The following CPA6 variants were observed in gnomAD, a reference collection of about 807,000 sequenced individuals.
CPA6 encodes carboxypeptidase B.
CPA6 carries 58 observed loss-of-function variants against 63.3 expected under a neutral mutation model. The ratio of observed to expected loss-of-function variants is 0.92; its 90% CI spans 0.74 to 1.14. The LOEUF (loss-of-function observed/expected upper bound fraction) is 1.14, where lower values mean the gene tolerates loss of function less well. CPA6 is among the 50% of genes most tolerant of loss of function. The probability of loss-of-function intolerance (pLI) is 0.00; values close to 1 mark genes in which losing one functional copy is unlikely to be tolerated. For missense variants in CPA6, 565 were observed against 526.6 expected (o/e 1.07, Z -0.71); for synonymous variants, 185 against 179.0 (o/e 1.03, Z -0.27).
intron 8 of CPA6, among the ~76,000 whole-genome samples, chr8:67,444,688 C>A (rs191546299): frequency 6.8e-6 from 1 of 147,426 alleles, no homozygotes; most frequent in African/African-American, 2.5e-5. Context: ...GAGGCTGAGG[C>A]AGAAGAATCA....
intron 2 of CPA6, among the ~76,000 whole-genome samples, chr8:67,578,771 AT>A (rs1178735162): frequency 6.6e-6 from 1 of 152,258 alleles, no homozygotes; most frequent in Non-Finnish European, 1.5e-5. Context: ...AATTAAAAAC[AT>A]CATTTTCATT....
intron 1 of CPA6, among the ~76,000 whole-genome samples, chr8:67,680,162 A>G (rs1816562013): frequency 6.6e-6 from 1 of 152,230 alleles, no homozygotes; most frequent in Non-Finnish European, 1.5e-5. Flanking sequence ...AATAATTTAT[A>G]AACATTTATT....
intron 2 of CPA6, among the ~76,000 whole-genome samples, chr8:67,595,990 GCTGTAGA>G (rs1282427991): frequency 6.6e-6 from 1 of 152,208 alleles, no homozygotes; most frequent in Non-Finnish European, 1.5e-5. Flanking sequence ...CACGCTGGGA[GCTGTAGA>G]CTGGAGCTGT....
At chr8:67,685,189 G>A (rs1465597968) in intron 1 of CPA6, among the ~76,000 whole-genome samples, 2 of 152,092 alleles carry the variant, frequency 1.3e-5, no homozygotes, top group Non-Finnish European at 2.9e-5. Context: ...TTTTGGCTGG[G>A]TATCCAGATA....
At chr8:67,738,141 A>G (rs1384035707) in intron 1 of CPA6, among the ~76,000 whole-genome samples, 1 of 152,208 alleles carries the variant, frequency 6.6e-6, no homozygotes, top group African/African-American at 2.4e-5. Flanking sequence ...GTCATTGGAT[A>G]TCAGAGTAAC....
At position 67,710,690 on chromosome 8, in the gene CPA6, A is replaced by T. The variant is rs1395254737; in HGVS notation, c.116+35324T>A. ...AACCTCCCTTCCTGTCTTGGAGGGG[A>T]ATTTAACTTTTCAGTTTTCTCTAGG... On this transcript the variant is annotated intron_variant, in intron 1 of 10. Coordinates refer to ENST00000297770, the MANE Select transcript of CPA6 (RefSeq NM_020361.5). Among the ~76,000 whole-genome samples the T allele has an allele frequency of 2.0e-5, 3 of 150,092 alleles. No individual in the cohort carries two copies. The East Asian group carries it at 5.9e-4, about 30-fold the overall frequency.
At position 67,474,517 on chromosome 8, in the gene CPA6, G is replaced by A. The variant is rs570356207; in HGVS notation, c.838+9251C>T. On this transcript the variant is annotated intron_variant, in intron 8 of 10. Coordinates refer to ENST00000297770, the MANE Select transcript of CPA6 (RefSeq NM_020361.5). ...ATTACAGACGTGAGCCACAGCCGCC[G>A]GCCGCAGCTTTTATCTTTTTGGCCT... Among the ~76,000 whole-genome samples, 29 of 151,386 alleles carry A rather than the reference G, an allele frequency of 1.9e-4. No homozygotes were observed. The East Asian group carries it at 5.8e-3, about 30-fold the overall frequency.
At chr8:67,537,769 T>G (rs1240245924) in intron 2 of CPA6, among the ~76,000 whole-genome samples, 4 of 152,204 alleles carry the variant, frequency 2.6e-5, no homozygotes, top group African/African-American at 9.6e-5. Flanking sequence ...GTTCTTTTAA[T>G]TGTGATGTTA....
chr8:67,451,519 T>A (rs1244045653), intron 8 of CPA6, among the ~76,000 whole-genome samples: 1 of 152,226 alleles, frequency 6.6e-6, no homozygotes, highest in Non-Finnish European at 1.5e-5. Context: ...TTTCATTATA[T>A]ATCACAATGT....
At chr8:67,549,648 T>C (rs1428614586) in intron 2 of CPA6, among the ~76,000 whole-genome samples, 1 of 152,084 alleles carries the variant, frequency 6.6e-6, no homozygotes, top group African/African-American at 2.4e-5. Context: ...TCCCCCCATC[T>C]CTCCAGCCCC....
At chr8:67,602,302 T>C (rs73692552) in intron 2 of CPA6, among the ~76,000 whole-genome samples, 11,294 of 152,226 alleles carry the variant, frequency 0.074, 787 homozygotes, top group African/African-American at 0.18. Context: ...TGTAAGAAGC[T>C]AGTAACACTG....
At chr8:67,614,420 C>T (rs1246436516) in intron 2 of CPA6, among the ~76,000 whole-genome samples, 2 of 152,116 alleles carry the variant, frequency 1.3e-5, no homozygotes, top group Non-Finnish European at 2.9e-5. Context: ...AGTGGGAAAA[C>T]TTTAACTGTT....
chr8:67,733,902 G>T (rs972182219), intron 1 of CPA6, among the ~76,000 whole-genome samples: 1 of 147,088 alleles, frequency 6.8e-6, no homozygotes, highest in African/African-American at 2.5e-5. Flanking sequence ...GAGTGCAGTG[G>T]CGCCCTCTGT....
At chr8:67,621,013 G>C (rs1180124667) in intron 2 of CPA6, among the ~76,000 whole-genome samples, 1 of 152,184 alleles carries the variant, frequency 6.6e-6, no homozygotes, top group African/African-American at 2.4e-5. Flanking sequence ...TGGGAGTCTG[G>C]AATTTGGGTA....
intron 1 of CPA6, among the ~76,000 whole-genome samples, chr8:67,744,614 G>A (rs2129004787): frequency 6.6e-6 from 1 of 152,266 alleles, no homozygotes; most frequent in African/African-American, 2.4e-5. Context: ...TGTGATCTAT[G>A]TTTATCATCT....
In CPA6 at chr8:67,433,956, A is replaced by G. The variant is rs75657518; in HGVS notation, c.1041+82T>C. 8.3e-3 allele frequency: 7,366 copies of G among 892,324 alleles called. 341 individuals are homozygous for G. In the African/African-American group the frequency reaches 0.1, roughly 13 times the overall value. 55.3% of individuals were successfully genotyped at this position (892,324 alleles called of 1,614,324 possible). A position where few individuals can be genotyped will look rare whatever the true frequency, so the allele number is the denominator to read the frequency against. ...GGATAAACACAAACATGTGTTTGCC[A>G]TTATCATTAGTACTTAGAACCATCT... On this transcript the variant is annotated intron_variant, in intron 9 of 10. Transcript: ENST00000297770.
intron 1 of CPA6, among the ~76,000 whole-genome samples, chr8:67,632,256 G>A (rs1044422502): frequency 2.0e-5 from 3 of 151,610 alleles, no homozygotes; most frequent in East Asian, 3.9e-4. Flanking sequence ...CTGTAACCTC[G>A]AACTTGTGAG....
intron 2 of CPA6, among the ~76,000 whole-genome samples, chr8:67,560,340 C>T (rs1185137364): frequency 3.3e-5 from 5 of 152,074 alleles, no homozygotes; most frequent in Admixed American, 3.3e-4. Context: ...CACTCTTCCT[C>T]AGTGGGACAA....
intron 2 of CPA6, among the ~76,000 whole-genome samples, chr8:67,525,915 G>C (rs1015687097): frequency 1.2e-4 from 18 of 152,174 alleles, no homozygotes; most frequent in Admixed American, 5.2e-4. Context: ...TACTTAATGG[G>C]TACAATGCAT....
Sources: allele counts gnomAD v4.1 joint callset (sites outside exome capture counted in the v4.1 genomes callset), GRCh38; gene constraint gnomAD v4.1.1; transcripts MANE v1.5; gene names NCBI Gene and HGNC (gene_info 2026-07-23, HGNC 2026-07-21).